The following TCF7L1 variants were observed in gnomAD, a reference collection of about 807,000 sequenced individuals.
TCF7L1 encodes the protein transcription factor 7-like 1.
Under a neutral mutation model 63.7 loss-of-function variants are expected in TCF7L1, and 18 were observed. The ratio of observed to expected loss-of-function variants is 0.28; its 90% CI spans 0.20 to 0.42. TCF7L1 has a LOEUF of 0.42. Ranked by LOEUF, TCF7L1 falls within the 10% of genes least tolerant of loss-of-function variation. The pLI is 1.00. For missense variants in TCF7L1, 654 were observed against 779.3 expected, an observed-to-expected ratio of 0.84 and a Z score of 1.91; for synonymous variants, 355 against 340.9, an observed-to-expected ratio of 1.04 and a Z score of -0.46.
chr2:85,176,524 G>T (rs906542523), intron 3 of TCF7L1, among the ~76,000 whole-genome samples: 1 of 152,136 alleles, frequency 6.6e-6, no homozygotes, highest in African/African-American at 2.4e-5. Flanking sequence ...CCTCTTTCAT[G>T]TCCCTGGCTC....
intron 3 of TCF7L1, among the ~76,000 whole-genome samples, chr2:85,150,177 T>C (rs917011477): frequency 2.0e-5 from 3 of 152,200 alleles, no homozygotes; most frequent in African/African-American, 7.2e-5. Context: ...TTATGCTTAA[T>C]TGTCTCTTAG....
intron 3 of TCF7L1, among the ~76,000 whole-genome samples, chr2:85,143,698 C>G (rs1239576720): frequency 6.6e-6 from 1 of 152,172 alleles, no homozygotes; most frequent in Admixed American, 6.5e-5. Flanking sequence ...ACACACATGC[C>G]TGATATAATT....
At chr2:85,198,655 G>A (rs1050482300) in intron 3 of TCF7L1, among the ~76,000 whole-genome samples, 1 of 152,146 alleles carries the variant, frequency 6.6e-6, no homozygotes, top group South Asian at 2.1e-4. Context: ...ATAAAAATGA[G>A]CCCAGGGGTT....
chr2:85,184,851 C>T (rs577473989), intron 3 of TCF7L1, among the ~76,000 whole-genome samples: 6 of 151,980 alleles, frequency 3.9e-5, no homozygotes, highest in African/African-American at 1.2e-4. Flanking sequence ...TTTGGCCAGG[C>T]GGGCTGGGCT....
chr2:85,300,846 C>T (rs569219424), intron 4 of TCF7L1, among the ~76,000 whole-genome samples: 1 of 150,690 alleles, frequency 6.6e-6, no homozygotes, highest in East Asian at 1.9e-4. Flanking sequence ...GTGGCACGAT[C>T]TCGGCTCACT....
chr2:85,161,040 C>T (rs1678273645), intron 3 of TCF7L1, among the ~76,000 whole-genome samples: 2 of 152,188 alleles, frequency 1.3e-5, no homozygotes, highest in African/African-American at 4.8e-5. Context: ...AGTGGGCCGA[C>T]TTCTGGGAAT....
At chr2:85,249,971 G>T (rs1680553721) in intron 3 of TCF7L1, among the ~76,000 whole-genome samples, 1 of 152,138 alleles carries the variant, frequency 6.6e-6, no homozygotes, top group Non-Finnish European at 1.5e-5. Flanking sequence ...AAAGACATAG[G>T]GACAGAGAAA....
At chr2:85,135,086 G>C (rs1677559549) in intron 3 of TCF7L1, among the ~76,000 whole-genome samples, 1 of 152,154 alleles carries the variant, frequency 6.6e-6, no homozygotes, top group Admixed American at 6.5e-5. Flanking sequence ...CATTTAAAGC[G>C]AGCGCTGCGA....
intron 3 of TCF7L1, among the ~76,000 whole-genome samples, chr2:85,153,772 A>G (rs1188617794): frequency 6.6e-6 from 1 of 152,144 alleles, no homozygotes; most frequent in African/African-American, 2.4e-5. Flanking sequence ...TTTGATGATC[A>G]TTGTCGCTAA....
At chr2:85,268,104 T>C (rs1681024392) in intron 3 of TCF7L1, among the ~76,000 whole-genome samples, 1 of 152,214 alleles carries the variant, frequency 6.6e-6, no homozygotes, top group Admixed American at 6.5e-5. Context: ...ATGATATTGG[T>C]AAATGTTTTT....
At chr2:85,245,868 A>T (rs1479195006) in intron 3 of TCF7L1, among the ~76,000 whole-genome samples, 1 of 151,560 alleles carries the variant, frequency 6.6e-6, no homozygotes, top group Non-Finnish European at 1.5e-5. Flanking sequence ...AGTTGCCCAT[A>T]GACCAACAGC....
intron 8 of TCF7L1, 51 bp downstream of exon 8, chr2:85,305,454 G>A (rs1682084846): frequency 1.3e-6 from 2 of 1,561,660 alleles, no homozygotes; most frequent in East Asian, 2.2e-5. Context: ...GCTGTGGGGA[G>A]GGGTGGCCAC....
intron 4 of TCF7L1, among the ~76,000 whole-genome samples, chr2:85,284,329 G>A (rs1681491467): frequency 1.3e-5 from 2 of 152,068 alleles, no homozygotes; most frequent in African/African-American, 4.8e-5. Context: ...CTTCTGTACA[G>A]GATGTTATAG....
intron 11 of TCF7L1, among the ~76,000 whole-genome samples, 170 bp downstream of exon 11, chr2:85,307,887 G>T (rs551969048): frequency 6.6e-6 from 1 of 152,154 alleles, no homozygotes; most frequent in East Asian, 1.9e-4. Context: ...GAGATGTGAA[G>T]GCATTTTCCC....
intron 4 of TCF7L1, among the ~76,000 whole-genome samples, chr2:85,290,879 T>C (rs1681696720): frequency 6.6e-6 from 1 of 152,236 alleles, no homozygotes; most frequent in Non-Finnish European, 1.5e-5. Flanking sequence ...TCATTCTCTG[T>C]CCTTCCAGCC....
chr2:85,271,443 A>G (rs1412093317), intron 3 of TCF7L1, among the ~76,000 whole-genome samples: 1 of 152,226 alleles, frequency 6.6e-6, no homozygotes, highest in Non-Finnish European at 1.5e-5. Context: ...ACATAATAAT[A>G]TCTGCTTTAC....
At chr2:85,292,543 AT>A (rs1681752214) in intron 4 of TCF7L1, among the ~76,000 whole-genome samples, 1 of 152,158 alleles carries the variant, frequency 6.6e-6, no homozygotes, top group South Asian at 2.1e-4. Flanking sequence ...CTCAAAAAAT[AT>A]TTTTGTAGAC....
chr2:85,193,198 C>T (rs1050049271), intron 3 of TCF7L1, among the ~76,000 whole-genome samples: 4 of 152,016 alleles, frequency 2.6e-5, no homozygotes, highest in East Asian at 1.9e-4. Context: ...TGGGTGATGG[C>T]GAGTAGAGCA....
intron 3 of TCF7L1, among the ~76,000 whole-genome samples, chr2:85,218,727 T>A (rs1383221070): frequency 1.3e-5 from 2 of 152,202 alleles, no homozygotes; most frequent in African/African-American, 4.8e-5. Flanking sequence ...TACCCAGGCT[T>A]TCCTGACTTG....
Sources: allele counts gnomAD v4.1 joint callset (sites outside exome capture counted in the v4.1 genomes callset), GRCh38; gene constraint gnomAD v4.1.1; transcripts MANE v1.5; gene names NCBI Gene and HGNC (gene_info 2026-07-23, HGNC 2026-07-21).